NFAT5: variants seen among roughly 807,000 people sequenced by gnomAD.
NFAT5 encodes nuclear factor of activated T-cells 5.
In NFAT5, 31 loss-of-function variants were observed where a neutral mutation model predicts 166.5. The observed-to-expected ratio is 0.19, with a 90% CI of 0.14 to 0.25. The LOEUF (loss-of-function observed/expected upper bound fraction) is 0.25. Among genes scored for constraint, NFAT5 ranks in the 10% least tolerant of loss-of-function variants. NFAT5 has a pLI of 1.00. For missense variants in NFAT5, 1,449 were observed against 1,821.8 expected, an observed-to-expected ratio of 0.80 and a Z score of 3.72; for synonymous variants, 612 against 639.7, an observed-to-expected ratio of 0.96 and a Z score of 0.65.
rs139682925 is a variant in NFAT5, at chr16:69,691,627, A to G, written c.1924-122A>G. On this transcript the variant is annotated intron_variant, in intron 12 of 14. Transcript: ENST00000349945. The stretch of plus-strand genomic sequence containing the variant: ...GTCCTGTACCTGTTTTCTAAATGAT[A>G]ATAATATAGAGTGGAAAGCTGGTCC... 2.6e-4 allele frequency: 182 copies of G among 703,500 alleles called. No homozygotes were observed. In the East Asian group the frequency reaches 4.9e-3, roughly 19 times the overall value. 43.6% of individuals were successfully genotyped at this position (703,500 alleles called of 1,614,324 possible).
chr16:69,672,525 G>A (rs1242880485), intron 9 of NFAT5, among the ~76,000 whole-genome samples: 1 of 152,158 alleles, frequency 6.6e-6, no homozygotes, highest in African/African-American at 2.4e-5. Context: ...GGAGGTTAGA[G>A]GCAATGTATT....
At chr16:69,620,952 G>A (rs1182465493) in intron 2 of NFAT5, among the ~76,000 whole-genome samples, 2 of 152,038 alleles carry the variant, frequency 1.3e-5, no homozygotes, top group Non-Finnish European at 2.9e-5. Flanking sequence ...CATTTTTTGG[G>A]TACTGTTGTT....
chr16:69,595,124 A>G (rs2032715577), intron 2 of NFAT5, among the ~76,000 whole-genome samples: 2 of 152,194 alleles, frequency 1.3e-5, no homozygotes, highest in South Asian at 4.1e-4. Context: ...ACACCCAGGA[A>G]CAATACTTTG....
chr16:69,653,184 TA>T, intron 4 of NFAT5, 51 bp from the exon 5 acceptor site: 5 of 1,272,144 alleles, frequency 3.9e-6, no homozygotes, highest in Non-Finnish European at 5.4e-6. Flanking sequence ...TTTTTTTTTT[TA>T]TCAAAAAACT....
In NFAT5 at chr16:69,632,684, T is replaced by C. The variant is rs983052130; in HGVS notation, c.253+6156T>C. The C allele has an allele frequency of 1.1e-4, 16 of 152,306 alleles. 2 individuals are homozygous for C. Among genetic ancestry groups the C allele is most frequent in the East Asian group, 3.9e-4 (2 of 5,188 alleles). The allele number at this position is 152,306 out of a possible 1,614,324, so 9.4% of individuals were successfully genotyped here. The stretch of plus-strand genomic sequence containing the variant: ...CTAAATTTGAGGAAGAAATTTGCCT[T>C]TGATTGCTTTCCTGGGTTAACATAT... On this transcript the variant is annotated intron_variant, in intron 3 of 14. Coordinates refer to ENST00000349945, the MANE Select transcript of NFAT5 (RefSeq NM_138713.4).
intron 2 of NFAT5, among the ~76,000 whole-genome samples, chr16:69,619,299 G>A (rs1157165706): frequency 2.0e-5 from 3 of 152,184 alleles, no homozygotes; most frequent in Non-Finnish European, 1.5e-5. Flanking sequence ...TAGCATCTCT[G>A]TGAGGCTGTG....
chr16:69,666,982 C>T (rs2036408713), intron 7 of NFAT5, among the ~76,000 whole-genome samples: 1 of 150,710 alleles, frequency 6.6e-6, no homozygotes, highest in South Asian at 2.1e-4. Context: ...CCATGGAATA[C>T]TATGCAGCCA....
chr16:69,575,313 G>C (rs2016683447), intron 2 of NFAT5, among the ~76,000 whole-genome samples: 1 of 151,944 alleles, frequency 6.6e-6, no homozygotes, highest in East Asian at 1.9e-4. Flanking sequence ...GACTACAGGT[G>C]CACACCACCA....
chr16:69,577,942 G>A (rs2016850380), intron 2 of NFAT5, among the ~76,000 whole-genome samples: 1 of 151,790 alleles, frequency 6.6e-6, no homozygotes. Flanking sequence ...GCAGTGAGCA[G>A]AGATCGTGCC....
At chr16:69,635,608 A>T (rs1269220310) in intron 3 of NFAT5, among the ~76,000 whole-genome samples, 2 of 152,180 alleles carry the variant, frequency 1.3e-5, no homozygotes, top group Non-Finnish European at 2.9e-5. Context: ...CCACATGGCT[A>T]GGGAGGCCTC....
At position 69,697,994 on chromosome 16, in the gene NFAT5, G is replaced by A. The variant is rs1186632168; in HGVS notation, c.*1643G>A. ...TTTAGTTGAACTGTGCGGAATTGTG[G>A]TGTTGGTTTTGTTTACACAGCCAGA... On this transcript the variant is annotated 3_prime_UTR_variant, in exon 15 of 15. Transcript: ENST00000349945. 6.7e-6 allele frequency: 1 copy of A among 148,714 alleles called. No homozygotes were observed. Among genetic ancestry groups the A allele is most frequent in the African/African-American group, 2.5e-5 (1 of 40,236 alleles). The allele number at this position is 148,714 out of a possible 1,614,324, so 9.2% of individuals were successfully genotyped here.
rs2037922194 is a variant in NFAT5, at chr16:69,702,871, T to G, written c.*6520T>G. On this transcript the variant is annotated 3_prime_UTR_variant, in exon 15 of 15. Coordinates refer to ENST00000349945, the MANE Select transcript of NFAT5 (RefSeq NM_138713.4). The stretch of plus-strand genomic sequence containing the variant: ...ACTGCCTATAGAGATACAGTGTATT[T>G]TATGTACATACACAATTAGTCTAAT... The G allele has an allele frequency of 1.3e-5, 2 of 152,796 alleles. No homozygotes were observed. Among genetic ancestry groups the G allele is most frequent in the South Asian group, 4.1e-4 (2 of 4,830 alleles). The allele number at this position is 152,796 out of a possible 1,614,324, so 9.5% of individuals were successfully genotyped here.
In NFAT5 at chr16:69,691,963, C is replaced by T; in HGVS notation, c.2138C>T (p.Ser713Phe). Reference sequence around the variant, plus strand: ...GGTACTTTTCCAGCAGTTTCTGCTTCTAGTCAGCTGCCCAACAGCGATGCA... The same window carrying T: ...GGTACTTTTCCAGCAGTTTCTGCTTTTAGTCAGCTGCCCAACAGCGATGCA... ...QPGTFPAVSA[S>F]SQLPNSDALL... is the part of the protein sequence containing the mutation. Residue 713 changes from serine to phenylalanine, a missense_variant, in exon 13 of 15, where the codon TCT becomes TTT. Ser to Phe is a radical substitution (Grantham distance 155, BLOSUM62 -2). Coordinates refer to ENST00000349945, the MANE Select transcript of NFAT5 (RefSeq NM_138713.4). 14 of 1,614,196 alleles carry T rather than the reference C, an allele frequency of 8.7e-6. No individual in the cohort carries two copies. Among genetic ancestry groups the T allele is most frequent in the Non-Finnish European group, 1.2e-5 (14 of 1,180,038 alleles).
At chr16:69,625,171 G>A (rs2034399204) in intron 2 of NFAT5, among the ~76,000 whole-genome samples, 1 of 152,074 alleles carries the variant, frequency 6.6e-6, no homozygotes, top group Non-Finnish European at 1.5e-5. Flanking sequence ...CGGAGTGCTG[G>A]AATTTACAGG....
rs35175923 is a variant in NFAT5 at position 69,624,362 on chromosome 16, C to T, written c.128-2041C>T. On this transcript the variant is annotated intron_variant, in intron 2 of 14. Coordinates refer to ENST00000349945, the MANE Select transcript of NFAT5 (RefSeq NM_138713.4). ...CTGGGATTACAGGTGACCACCACCA[C>T]GCCTGGCTAACTTTTTGTATTTTTA... Among the ~76,000 whole-genome samples, 702 of 151,744 alleles carry T rather than the reference C, an allele frequency of 4.6e-3. 12 individuals carry two copies. The highest frequency in any genetic ancestry group is 0.016 in the African/African-American group (658 of 41,396).
rs1274282094 is a variant in NFAT5, at chr16:69,698,039, T to A, written c.*1688T>A. On this transcript the variant is annotated 3_prime_UTR_variant, in exon 15 of 15. Transcript: ENST00000349945. ...GCCAGATTTTTCCTTCTTTTTGTTTTGTGATGATCTTCCTTTGTTCTTTGA... is the reference window on the plus strand; with the variant it reads ...GCCAGATTTTTCCTTCTTTTTGTTTAGTGATGATCTTCCTTTGTTCTTTGA... The A allele has an allele frequency of 6.6e-6, 1 of 152,358 alleles. No individual in the cohort carries two copies. The allele number at this position is 152,358 out of a possible 1,614,324, so 9.4% of individuals were successfully genotyped here.
chr16:69,692,160 A>G lies in NFAT5; in HGVS notation c.2335A>G (p.Ile779Val). The change falls in exon 13 of 15, where the codon ATT becomes GTT. Residue 779 changes from isoleucine (I) to valine (V), a missense_variant. By Grantham distance (29) the Ile-to-Val change is conservative. Transcript: ENST00000349945. ...QTLQQQISSNIFPSPNSVSQL... is the reference protein window; with the variant it reads ...QTLQQQISSNVFPSPNSVSQL... ...TTTACAGCAGCAGATTTCATCAAAT[A>G]TTTTTCCATCACCAAATAGTGTGAG... The G allele has an allele frequency of 6.2e-7, 1 of 1,614,162 alleles. No homozygotes were observed. Among genetic ancestry groups the G allele is most frequent in the Non-Finnish European group, 8.5e-7 (1 of 1,180,036 alleles).
At position 69,663,373 on chromosome 16, in the gene NFAT5, T is replaced by C. The variant is rs554878048; in HGVS notation, c.1369+3474T>C. ...CATCTTTCATGTTCTCCAGACAATA[T>C]AGGTGTATATGTTTTTTGTTTTGGT... On this transcript the variant is annotated intron_variant, in intron 7 of 14. Coordinates refer to ENST00000349945, the MANE Select transcript of NFAT5 (RefSeq NM_138713.4). Among the ~76,000 whole-genome samples the C allele has an allele frequency of 2.0e-5, 3 of 152,208 alleles. No homozygotes were observed. In the East Asian group the frequency reaches 5.8e-4, roughly 29 times the overall value.
chr16:69,603,455 G>A (rs1052499938), intron 2 of NFAT5, among the ~76,000 whole-genome samples: 2 of 151,972 alleles, frequency 1.3e-5, no homozygotes, highest in East Asian at 3.8e-4. Flanking sequence ...ATGCATTGTT[G>A]GAGTTAAAAT....
Sources: allele counts gnomAD v4.1 joint callset (sites outside exome capture counted in the v4.1 genomes callset), GRCh38; gene constraint gnomAD v4.1.1; transcripts MANE v1.5; gene names NCBI Gene and HGNC (gene_info 2026-07-23, HGNC 2026-07-21).